The following CNTN5 variants were observed in gnomAD, a reference collection of about 807,000 sequenced individuals.
The protein encoded by CNTN5 is contactin-5.
CNTN5 carries 77 observed loss-of-function variants against 129.1 expected under a neutral mutation model. That is an observed-to-expected ratio of 0.60 (90% confidence interval 0.50 to 0.72). The LOEUF is 0.72. Among genes scored for constraint, CNTN5 ranks in the 30% least tolerant of loss-of-function variants. The pLI is 0.00. For synonymous variants in CNTN5, 509 were observed against 465.6 expected (o/e 1.09, Z -1.20); for missense variants, 1,478 against 1,328.8 (o/e 1.11, Z -1.75).
intron 15 of CNTN5, among the ~76,000 whole-genome samples, chr11:100,199,525 A>G (rs1029256212): frequency 1.3e-5 from 2 of 151,860 alleles, no homozygotes; most frequent in African/African-American, 4.8e-5. Flanking sequence ...TACAGTAACC[A>G]TCAACCAAAA....
intron 3 of CNTN5, among the ~76,000 whole-genome samples, chr11:99,786,743 C>A (rs2514377): frequency 1 from 152,328 of 152,328 alleles, 76,164 homozygotes; most frequent in Non-Finnish European, 1. Context: ...TGACCAAAAC[C>A]AGAAATGGAG....
intron 8 of CNTN5, among the ~76,000 whole-genome samples, chr11:99,990,755 T>C (rs1334576491): frequency 1.3e-5 from 2 of 152,198 alleles, no homozygotes; most frequent in Non-Finnish European, 2.9e-5. Context: ...TCTGGACATG[T>C]TTCTAAATGA....
chr11:100,185,973 A>G (rs779444060), intron 13 of CNTN5, among the ~76,000 whole-genome samples: 2 of 152,208 alleles, frequency 1.3e-5, no homozygotes, highest in African/African-American at 2.4e-5. Context: ...TAATATCGCA[A>G]TGGGTAAACA....
rs1457369358 is a variant in CNTN5 at position 99,035,495 on chromosome 11, T to G, written c.-210+14225T>G. ...TATATTTAGGATGGTTAGCTCTTCTTGTTGAATTGATCCCTTTACCATTAT... is the reference window on the plus strand; with the variant it reads ...TATATTTAGGATGGTTAGCTCTTCTGGTTGAATTGATCCCTTTACCATTAT... On this transcript the variant is annotated intron_variant, in intron 1 of 24. Coordinates refer to ENST00000524871, the MANE Select transcript of CNTN5 (RefSeq NM_014361.4). Among the ~76,000 whole-genome samples, 12 of 151,242 alleles carry G rather than the reference T, an allele frequency of 7.9e-5. No individual in the cohort carries two copies. The East Asian group carries it at 1.8e-3, about 22-fold the overall frequency.
chr11:100,012,143 C>T (rs1940568647), intron 9 of CNTN5, among the ~76,000 whole-genome samples: 3 of 152,086 alleles, frequency 2.0e-5, no homozygotes, highest in Non-Finnish European at 1.5e-5. Context: ...ACATTTAGGC[C>T]TCACAGGAAA....
chr11:100,041,923 A>G (rs1219560530), intron 9 of CNTN5, among the ~76,000 whole-genome samples: 1 of 152,182 alleles, frequency 6.6e-6, no homozygotes, highest in East Asian at 1.9e-4. Flanking sequence ...TTAATACATA[A>G]TCACACGTTC....
chr11:99,128,675 G>A (rs573322182), intron 1 of CNTN5, among the ~76,000 whole-genome samples: 94 of 152,280 alleles, frequency 6.2e-4, no homozygotes, highest in African/African-American at 2.2e-3. Flanking sequence ...GACTGGGTGA[G>A]ACCTCCCAAC....
At position 99,049,997 on chromosome 11, in the gene CNTN5, T is replaced by C. The variant is rs181515096; in HGVS notation, c.-210+28727T>C. On this transcript the variant is annotated intron_variant, in intron 1 of 24. Transcript: ENST00000524871. Reference sequence around the variant, plus strand: ...TGGGTGATGTTGTGAATCTAGTTGATGGTGAGAGTATTATGCAATGAATTA... The same window carrying C: ...TGGGTGATGTTGTGAATCTAGTTGACGGTGAGAGTATTATGCAATGAATTA... 1.3e-4 allele frequency among the ~76,000 whole-genome samples: 20 copies of C among 152,252 alleles called. No individual in the cohort carries two copies. In the East Asian group the frequency reaches 3.9e-3, roughly 29 times the overall value.
chr11:99,490,408 A>G (rs1945990688), intron 2 of CNTN5, among the ~76,000 whole-genome samples: 1 of 152,232 alleles, frequency 6.6e-6, no homozygotes. Flanking sequence ...TTATTTGACC[A>G]TAAAGTCCAT....
chr11:99,934,759 C>T (rs1417318570), intron 7 of CNTN5, among the ~76,000 whole-genome samples: 1 of 151,412 alleles, frequency 6.6e-6, no homozygotes, highest in Non-Finnish European at 1.5e-5. Context: ...GTGGTATGCA[C>T]CTGTAGTCAG....
intron 18 of CNTN5, among the ~76,000 whole-genome samples, chr11:100,292,731 A>T (rs557528170): frequency 1.3e-5 from 2 of 152,108 alleles, no homozygotes; most frequent in South Asian, 4.1e-4. Flanking sequence ...TTACTTGTGC[A>T]TGTATGTATA....
At chr11:100,331,416 G>T (rs1442865235) in intron 21 of CNTN5, among the ~76,000 whole-genome samples, 1 of 152,108 alleles carries the variant, frequency 6.6e-6, no homozygotes, top group Non-Finnish European at 1.5e-5. Context: ...GACAGTGCTA[G>T]ATAGGTCATC....
chr11:99,133,378 T>C (rs1859042919), intron 1 of CNTN5, among the ~76,000 whole-genome samples: 1 of 30,930 alleles, frequency 3.2e-5, no homozygotes. Flanking sequence ...CCAAAAGCAA[T>C]TGCAAAAAAA....
chr11:100,191,029 A>G (rs1476951215), intron 13 of CNTN5, 97 bp from the exon 14 acceptor site: 17 of 712,560 alleles, frequency 2.4e-5, no homozygotes, highest in Non-Finnish European at 3.8e-5. Context: ...CTTACTTATT[A>G]TCACCCTAGA....
chr11:99,630,158 G>T (rs1356861361), intron 3 of CNTN5, among the ~76,000 whole-genome samples: 1 of 151,700 alleles, frequency 6.6e-6, no homozygotes, highest in Non-Finnish European at 1.5e-5. Flanking sequence ...AGATGGATTT[G>T]TACTGATTAA....
chr11:99,825,579 G>T (rs187317640), intron 4 of CNTN5, among the ~76,000 whole-genome samples: 1 of 152,030 alleles, frequency 6.6e-6, no homozygotes, highest in Non-Finnish European at 1.5e-5. Flanking sequence ...TGGTAAAAAG[G>T]ATATCACTGT....
At chr11:100,016,841 A>G (rs1463706483) in intron 9 of CNTN5, among the ~76,000 whole-genome samples, 1 of 151,740 alleles carries the variant, frequency 6.6e-6, no homozygotes. Flanking sequence ...TTACAATGTA[A>G]TGTAGCAGCA....
chr11:99,559,818 T>C (rs1335214391), intron 3 of CNTN5, among the ~76,000 whole-genome samples: 1 of 152,142 alleles, frequency 6.6e-6, no homozygotes, highest in Non-Finnish European at 1.5e-5. Context: ...CTTCAATAAG[T>C]GATTAAACTA....
intron 3 of CNTN5, among the ~76,000 whole-genome samples, chr11:99,772,561 T>G (rs566525126): frequency 1.1e-4 from 16 of 152,196 alleles, no homozygotes; most frequent in African/African-American, 2.6e-4. Context: ...TGCAGCTCAC[T>G]TGGTCAAAGA....
Sources: allele counts gnomAD v4.1 joint callset (sites outside exome capture counted in the v4.1 genomes callset), GRCh38; gene constraint gnomAD v4.1.1; transcripts MANE v1.5; gene names NCBI Gene and HGNC (gene_info 2026-07-23, HGNC 2026-07-21).